Variants in ANKRD10 observed in about 807,000 individuals in gnomAD.
ANKRD10 encodes the protein ankyrin repeat domain 10.
A neutral mutation model predicts 27.0 loss-of-function variants in ANKRD10; 14 were observed. That is an observed-to-expected ratio of 0.52 (90% CI 0.34 to 0.81). The LOEUF (loss-of-function observed/expected upper bound fraction) is 0.81. Among genes scored for constraint, ANKRD10 ranks in the 40% least tolerant of loss-of-function variants. ANKRD10 has a pLI of 0.01. For missense variants in ANKRD10, 493 were observed against 544.0 expected, an observed-to-expected ratio of 0.91 and a Z score of 0.93; for synonymous variants, 250 against 224.5, an observed-to-expected ratio of 1.11 and a Z score of -1.01.
At chr13:110,900,751 A>T in intron 3 of ANKRD10, 3 of 1,200,710 alleles carry the variant, frequency 2.5e-6, no homozygotes, top group South Asian at 2.4e-5. Flanking sequence ...GTGTGATTTA[A>T]AACGGGCAAT....
Position 110,880,082 on chromosome 13 carries a change from G to A in ANKRD10, c.818C>T (p.Thr273Ile), listed in dbSNP as rs763485052. 1.1e-5 allele frequency: 17 copies of A among 1,614,008 alleles called. No homozygotes were observed. Among genetic ancestry groups the A allele is most frequent in the Non-Finnish European group, 8.5e-7 (1 of 1,180,048 alleles). ...ATTGATGACACATCCATTTGTCAATGTATTCGATACGGAGCTACTGTTTTT... is the reference window on the plus strand; with the variant it reads ...ATTGATGACACATCCATTTGTCAATATATTCGATACGGAGCTACTGTTTTT... ...DMKNSSSVSN[T>I]LTNGCVINGH... is the part of the protein sequence containing the mutation. Residue 273 changes from threonine to isoleucine, a missense_variant, in exon 6 of 6, where the codon ACA becomes ATA. By Grantham distance (89) the Thr-to-Ile change is moderately conservative. Transcript: ENST00000267339.
At chr13:110,911,128 A>G (rs1489125448) in intron 1 of ANKRD10, among the ~76,000 whole-genome samples, 1 of 152,238 alleles carries the variant, frequency 6.6e-6, no homozygotes, top group Non-Finnish European at 1.5e-5. Context: ...ATTCTAAACA[A>G]AAACGTTAAA....
intron 4 of ANKRD10, 156 bp downstream of exon 4, chr13:110,892,872 G>C: frequency 7.0e-7 from 1 of 1,435,696 alleles, no homozygotes; most frequent in Non-Finnish European, 9.1e-7. Context: ...CGCAGTGGCA[G>C]TACAGGAGAA....
At chr13:110,909,348 CA>C (rs1490459870) in intron 2 of ANKRD10, among the ~76,000 whole-genome samples, 1 of 152,136 alleles carries the variant, frequency 6.6e-6, no homozygotes, top group African/African-American at 2.4e-5. Flanking sequence ...CCCTTTCTAC[CA>C]GGGGACAGGG....
intron 1 of ANKRD10, among the ~76,000 whole-genome samples, chr13:110,913,021 G>GA (rs1429264528): frequency 1.3e-5 from 2 of 152,232 alleles, no homozygotes; most frequent in Non-Finnish European, 2.9e-5. Context: ...GTAGACTTTT[G>GA]AAAAGTGATT....
rs181800405 is a variant in ANKRD10, at chr13:110,901,888, T to A, written c.455+4145A>T. Among the ~76,000 whole-genome samples the A allele has an allele frequency of 2.5e-3, 384 of 151,958 alleles. 4 individuals are homozygous for A. The highest frequency in any genetic ancestry group is 0.013 in the Admixed American group (202 of 15,226). On this transcript the variant is annotated intron_variant, in intron 3 of 5. Transcript: ENST00000267339. ...AGACCCCATCTCTACTAAACATTTTTAAAAATTAGTTGGGCATGGTGGTAT... is the reference window on the plus strand; with the variant it reads ...AGACCCCATCTCTACTAAACATTTTAAAAAATTAGTTGGGCATGGTGGTAT...
chr13:110,892,627 A>C (rs2065111080), intron 4 of ANKRD10: 6 of 678,402 alleles, frequency 8.8e-6, no homozygotes, highest in Non-Finnish European at 1.1e-5. Flanking sequence ...TTTTACTGCC[A>C]GACCATCAGC....
At chr13:110,908,746 T>C (rs976902265) in intron 2 of ANKRD10, among the ~76,000 whole-genome samples, 1 of 152,128 alleles carries the variant, frequency 6.6e-6, no homozygotes, top group Non-Finnish European at 1.5e-5. Context: ...GTGTTGAAAT[T>C]CACCCACTAC....
At chr13:110,893,416 T>C (rs1323673372) in intron 3 of ANKRD10, among the ~76,000 whole-genome samples, 153 bp from the exon 4 acceptor site, 1 of 152,258 alleles carries the variant, frequency 6.6e-6, no homozygotes, top group African/African-American at 2.4e-5. Context: ...AATCTAGCTC[T>C]GTAACTAACT....
At chr13:110,903,411 AACTTGGC>A (rs2065439565) in intron 3 of ANKRD10, 1 of 154,446 alleles carries the variant, frequency 6.5e-6, no homozygotes, top group African/African-American at 2.4e-5. Flanking sequence ...ACACACAGAA[AACTTGGC>A]ACCAAAACTC....
At chr13:110,894,358 A>C (rs1027129035) in intron 3 of ANKRD10, 10 of 341,368 alleles carry the variant, frequency 2.9e-5, no homozygotes, top group Non-Finnish European at 5.4e-5. Context: ...TCACTCAAAC[A>C]ACCACTCCAG....
At chr13:110,884,639 T>C (rs1594537303) in intron 4 of ANKRD10, among the ~76,000 whole-genome samples, 1 of 152,248 alleles carries the variant, frequency 6.6e-6, no homozygotes, top group African/African-American at 2.4e-5. Flanking sequence ...CCTATGGCTG[T>C]ATTACGATTC....
At chr13:110,896,534 G>A (rs956789629) in intron 3 of ANKRD10, among the ~76,000 whole-genome samples, 3 of 152,080 alleles carry the variant, frequency 2.0e-5, no homozygotes, top group African/African-American at 7.2e-5. Flanking sequence ...TAAAAATCTT[G>A]CAAGTGGTCA....
rs1381734881 is a variant in ANKRD10 at position 110,892,415 on chromosome 13, G to GAAAAAAAAAAAAAAAAAAAAAAAAAAAAA, written c.691+612_691+613insTTTTTTTTTTTTTTTTTTTTTTTTTTTTT. ...ATTGCACTCCAGCCTGGGTGACAGAGCAAAAAAAAAAAAAAAAAAAATGGT... is the reference window on the plus strand; with the variant it reads ...ATTGCACTCCAGCCTGGGTGACAGAGAAAAAAAAAAAAAAAAAAAAAAAAAAAAACAAAAAAAAAAAAAAAAAAAATGGT... On this transcript the variant is annotated intron_variant, in intron 4 of 5. Coordinates refer to ENST00000267339, the MANE Select transcript of ANKRD10 (RefSeq NM_017664.4). Among the ~76,000 whole-genome samples the GAAAAAAAAAAAAAAAAAAAAAAAAAAAAA allele has an allele frequency of 1.5e-3, 4 of 2,590 alleles. 1 individual carries two copies. Among genetic ancestry groups the GAAAAAAAAAAAAAAAAAAAAAAAAAAAAA allele is most frequent in the Non-Finnish European group, 1.1e-3 (2 of 1,760 alleles). 1.7% of individuals were successfully genotyped at this position (2,590 alleles called of 152,430 possible). A position where few individuals can be genotyped will look rare whatever the true frequency, so the allele number is the denominator to read the frequency against.
chr13:110,910,888 A>G, intron 1 of ANKRD10, 118 bp from the exon 2 acceptor site: 1 of 1,074,814 alleles, frequency 9.3e-7, no homozygotes, highest in Non-Finnish European at 1.3e-6. Context: ...GTTTTTTAAC[A>G]GATTAAGTCA....
At position 110,880,096 on chromosome 13, in the gene ANKRD10, GCTA is replaced by G. The variant is rs756283083; in HGVS notation, c.801_803del (p.Ser269del). On this transcript the variant is annotated inframe_deletion, in exon 6 of 6. Transcript: ENST00000267339. ...CATTTGTCAATGTATTCGATACGGA[GCTA>G]CTGTTTTTCATATCTGCATTAAGAA... The G allele has an allele frequency of 4.3e-5, 69 of 1,612,886 alleles. No homozygotes were observed. Among genetic ancestry groups the G allele is most frequent in the Non-Finnish European group, 5.2e-5 (61 of 1,179,084 alleles).
In ANKRD10 at chr13:110,878,793, G is replaced by C. The variant is rs148932648; in HGVS notation, c.*844C>G. ...GAGTCAAAATTCTCTCAGTTAACTG[G>C]ATATACATAGTGGTATATATCTTAA... On this transcript the variant is annotated 3_prime_UTR_variant, in exon 6 of 6. Transcript: ENST00000267339. 4 of 152,574 alleles carry C rather than the reference G, an allele frequency of 2.6e-5. No individual in the cohort carries two copies. The highest frequency in any genetic ancestry group is 5.9e-5 in the Non-Finnish European group (4 of 68,026). The allele number at this position is 152,574 out of a possible 1,614,324, so 9.5% of individuals were successfully genotyped here. A position where few individuals can be genotyped will look rare whatever the true frequency, so the allele number is the denominator to read the frequency against.
intron 3 of ANKRD10, among the ~76,000 whole-genome samples, chr13:110,895,593 A>C (rs2065205610): frequency 6.6e-6 from 1 of 152,176 alleles, no homozygotes; most frequent in Admixed American, 6.5e-5. Flanking sequence ...TCTCTAAATA[A>C]ATAAATAAAT....
At chr13:110,886,117 C>T (rs2064922961) in intron 4 of ANKRD10, among the ~76,000 whole-genome samples, 1 of 152,236 alleles carries the variant, frequency 6.6e-6, no homozygotes, top group African/African-American at 2.4e-5. Context: ...CCTGGCCATG[C>T]GAGGTGCAGG....
Sources: allele counts gnomAD v4.1 joint callset (sites outside exome capture counted in the v4.1 genomes callset), GRCh38; gene constraint gnomAD v4.1.1; transcripts MANE v1.5; gene names NCBI Gene and HGNC (gene_info 2026-07-23, HGNC 2026-07-21).